The following ITGA8 variants were observed in gnomAD, a reference collection of about 807,000 sequenced individuals.
ITGA8 encodes the protein integrin alpha-8.
Under a neutral mutation model 142.3 loss-of-function variants are expected in ITGA8, and 91 were observed. The observed-to-expected ratio is 0.64, with a 90% CI of 0.54 to 0.76. ITGA8 has a LOEUF of 0.76. ITGA8 is among the 30% of genes least tolerant of loss of function. ITGA8 has a pLI of 0.00. For synonymous variants in ITGA8, 505 were observed against 485.2 expected (o/e 1.04, Z -0.54); for missense variants, 1,406 against 1,327.7 (o/e 1.06, Z -0.92).
intron 2 of ITGA8, among the ~76,000 whole-genome samples, chr10:15,704,341 C>T (rs945498976): frequency 6.6e-6 from 1 of 152,198 alleles, no homozygotes; most frequent in African/African-American, 2.4e-5. Flanking sequence ...GTGCACACTA[C>T]TGCACCTGCT....
At chr10:15,529,202 T>C (rs1833243224) in intron 28 of ITGA8, among the ~76,000 whole-genome samples, 1 of 152,166 alleles carries the variant, frequency 6.6e-6, no homozygotes. Flanking sequence ...CTCCCACAAC[T>C]GTGCAAATCT....
At chr10:15,688,085 C>G (rs750609209) in intron 2 of ITGA8, 47 bp from the exon 3 acceptor site, 6 of 1,162,236 alleles carry the variant, frequency 5.2e-6, no homozygotes, top group Admixed American at 5.1e-5. Context: ...AATGTGGCAG[C>G]CAATTAAAAC....
At chr10:15,698,549 T>C (rs1472239236) in intron 2 of ITGA8, among the ~76,000 whole-genome samples, 2 of 152,224 alleles carry the variant, frequency 1.3e-5, no homozygotes, top group African/African-American at 4.8e-5. Flanking sequence ...GTGTTCCCTT[T>C]TCACAACATC....
chr10:15,517,870 A>G (rs1379174573), intron 29 of ITGA8, among the ~76,000 whole-genome samples: 2 of 152,270 alleles, frequency 1.3e-5, no homozygotes, highest in African/African-American at 4.8e-5. Context: ...ATGTGTCCCA[A>G]GGATTTCCCA....
intron 21 of ITGA8, among the ~76,000 whole-genome samples, chr10:15,595,623 C>G (rs772804298): frequency 3.8e-4 from 58 of 152,268 alleles, no homozygotes; most frequent in Non-Finnish European, 3.2e-4. Context: ...AGTTTTGTTC[C>G]AAGATTATCC....
intron 8 of ITGA8, 150 bp downstream of exon 8, chr10:15,671,453 T>C (rs1834516168): frequency 3.4e-6 from 2 of 592,978 alleles, no homozygotes; most frequent in Admixed American, 6.0e-5. Context: ...TGTATCAAAG[T>C]ATTTTTTCTA....
In ITGA8 at chr10:15,671,618, C is replaced by G. The variant is rs1323997324; in HGVS notation, c.832G>C (p.Gly278Arg). 2 of 1,612,732 alleles carry G rather than the reference C, an allele frequency of 1.2e-6. No individual in the cohort carries two copies. Among genetic ancestry groups the G allele is most frequent in the Non-Finnish European group, 1.7e-6 (2 of 1,179,064 alleles). The change falls in exon 8 of 30, where the codon GGG (glycine) becomes CGG (arginine). Residue 278 changes from glycine to arginine, a missense_variant. Gly to Arg is a moderately radical substitution (Grantham distance 125). Coordinates refer to ENST00000378076, the MANE Select transcript of ITGA8 (RefSeq NM_003638.3). Reference protein sequence around the residue: ...GYSVAAGEFTGDSQQELVAGI... With the variant: ...GYSVAAGEFTRDSQQELVAGI... ...TGCCTCTCACCTTGCTGAGAATCCC[C>G]AGTAAACTCCCCAGCAGCAACTGAG...
chr10:15,626,846 CG>C (rs1833592870), intron 13 of ITGA8, among the ~76,000 whole-genome samples: 1 of 152,150 alleles, frequency 6.6e-6, no homozygotes, highest in Non-Finnish European at 1.5e-5. Flanking sequence ...ACCCTGCTGA[CG>C]CCTTGATCTT....
At chr10:15,536,719 T>A (rs146279647) in intron 27 of ITGA8, among the ~76,000 whole-genome samples, 1 of 152,336 alleles carries the variant, frequency 6.6e-6, no homozygotes, top group East Asian at 1.9e-4. Flanking sequence ...GCCTTGCTCG[T>A]CTGTCATTAC....
rs764251072 is a variant in ITGA8 at position 15,718,798 on chromosome 10, G to C, written c.311C>G (p.Ala104Gly). 67 of 1,613,992 alleles carry C rather than the reference G, an allele frequency of 4.2e-5. No homozygotes were observed. The highest frequency in any genetic ancestry group is 5.4e-5 in the Non-Finnish European group (64 of 1,180,050). ...GTCAAACGGTATCTGCCTGCACTGC[G>C]CAGACCCCTCCGCGGGCCAAGGACA... ...YYCPWPAEGS[A>G]QCRQIPFDTT... Residue 104 changes from alanine (A) to glycine (G), a missense_variant, in exon 2 of 30, where the codon GCG becomes GGG. By Grantham distance (60) the Ala-to-Gly change is moderately conservative. Transcript: ENST00000378076.
chr10:15,532,157 G>A (rs987750807), intron 27 of ITGA8, among the ~76,000 whole-genome samples: 1 of 151,762 alleles, frequency 6.6e-6, no homozygotes, highest in East Asian at 2.0e-4. Context: ...CCGGCCGGGC[G>A]TGGTGGAATC....
intron 25 of ITGA8, among the ~76,000 whole-genome samples, chr10:15,561,148 C>T (rs1439212636): frequency 1.3e-5 from 2 of 148,444 alleles, no homozygotes; most frequent in African/African-American, 5.0e-5. Flanking sequence ...CCTCAGCCTC[C>T]CAAAACATTG....
intron 20 of ITGA8, among the ~76,000 whole-genome samples, chr10:15,601,864 C>T (rs1833110168): frequency 6.6e-6 from 1 of 152,102 alleles, no homozygotes; most frequent in Non-Finnish European, 1.5e-5. Context: ...TCAAAAGGTA[C>T]ACAAACCTCA....
At chr10:15,666,283 A>G (rs370287781) in intron 8 of ITGA8, among the ~76,000 whole-genome samples, 5 of 152,046 alleles carry the variant, frequency 3.3e-5, no homozygotes, top group African/African-American at 9.6e-5. Context: ...TGAAGCAATT[A>G]TGAATGGGAG....
chr10:15,702,895 G>T (rs1265166502), intron 2 of ITGA8, among the ~76,000 whole-genome samples: 1 of 152,188 alleles, frequency 6.6e-6, no homozygotes, highest in Non-Finnish European at 1.5e-5. Context: ...AAGGTAGCAA[G>T]TGAAAGGCCA....
chr10:15,671,761 C>A (rs1834525177), intron 7 of ITGA8, 114 bp from the exon 8 acceptor site: 3 of 653,552 alleles, frequency 4.6e-6, no homozygotes, highest in East Asian at 6.8e-5. Context: ...GAAACCTCTA[C>A]AAATATTATA....
chr10:15,695,613 G>A, intron 2 of ITGA8, among the ~76,000 whole-genome samples: 1 of 152,140 alleles, frequency 6.6e-6, no homozygotes, highest in East Asian at 1.9e-4. Flanking sequence ...CTACTTCCAA[G>A]TAATGTCTGT....
intron 27 of ITGA8, among the ~76,000 whole-genome samples, chr10:15,532,715 C>G (rs1042323780): frequency 2.1e-5 from 3 of 142,184 alleles, no homozygotes; most frequent in African/African-American, 5.6e-5. Flanking sequence ...ACTGGCTCAT[C>G]ATGGCTCTTG....
In ITGA8 at chr10:15,517,115, C is replaced by T. The variant is rs1832976258; in HGVS notation, c.*43G>A. On this transcript the variant is annotated 3_prime_UTR_variant, in exon 30 of 30. Transcript: ENST00000378076. ...CTCATGTTCTTTCTTTTTCTTTGAA[C>T]AGGACCAGTGTTTGAGGTCTTTGGT... The T allele has an allele frequency of 7.2e-7, 1 of 1,392,696 alleles. No individual in the cohort carries two copies. Among genetic ancestry groups the T allele is most frequent in the East Asian group, 2.3e-5 (1 of 43,396 alleles). The allele number at this position is 1,392,696 out of a possible 1,614,324, so 86.3% of individuals were successfully genotyped here. A position where few individuals can be genotyped will look rare whatever the true frequency, so the allele number is the denominator to read the frequency against.
Sources: gnomAD v4.1 joint callset for allele counts (sites outside exome capture counted in the v4.1 genomes callset) on GRCh38, gnomAD v4.1.1 for gene constraint, MANE v1.5 for transcripts, NCBI Gene and HGNC (gene_info 2026-07-23, HGNC 2026-07-21) for gene names.